KLHL1: variants seen among roughly 807,000 people sequenced by gnomAD.
KLHL1 encodes the protein kelch-like protein 1.
Under a neutral mutation model 77.7 loss-of-function variants are expected in KLHL1, and 47 were observed. The ratio of observed to expected loss-of-function variants is 0.60; its 90% CI spans 0.48 to 0.77. The LOEUF is 0.77. Among genes scored for constraint, KLHL1 ranks in the 30% least tolerant of loss-of-function variants. The pLI is 0.00. For missense variants in KLHL1, 925 were observed against 910.8 expected, an observed-to-expected ratio of 1.02 and a Z score of -0.20; for synonymous variants, 360 against 325.2, an observed-to-expected ratio of 1.11 and a Z score of -1.15.
intron 6 of KLHL1, among the ~76,000 whole-genome samples, chr13:69,813,503 C>CACACACACATAT (rs34163072): frequency 7.9e-4 from 117 of 148,894 alleles, no homozygotes; most frequent in African/African-American, 2.8e-3. Flanking sequence ...CACACACACA[C>CACACACACATAT]ATATATATAT....
chr13:69,718,992 T>C (rs967366166), intron 9 of KLHL1, among the ~76,000 whole-genome samples: 6 of 152,238 alleles, frequency 3.9e-5, no homozygotes, highest in Admixed American at 1.3e-4. Context: ...TCCAATATTT[T>C]TAAAAGCATT....
intron 5 of KLHL1, among the ~76,000 whole-genome samples, chr13:69,863,952 TTAA>T (rs569307744): frequency 1.3e-4 from 20 of 152,182 alleles, no homozygotes; most frequent in Admixed American, 2.0e-4. Context: ...TAGTTAGTTA[TTAA>T]TAATATGTTG....
chr13:70,068,026 A>G (rs1887050603), intron 1 of KLHL1, among the ~76,000 whole-genome samples: 1 of 148,764 alleles, frequency 6.7e-6, no homozygotes, highest in Admixed American at 6.7e-5. Flanking sequence ...CATGTTGTTC[A>G]CTAACGTTTT....
intron 1 of KLHL1, among the ~76,000 whole-genome samples, chr13:70,084,464 C>CT (rs1266369112): frequency 7.2e-4 from 93 of 129,038 alleles, no homozygotes; most frequent in Admixed American, 2.0e-3. Context: ...TCTTCTTCTT[C>CT]TTTTTTTTTT....
At position 69,834,182 on chromosome 13, in the gene KLHL1, C is replaced by A. The variant is rs181042929; in HGVS notation, c.1414+4794G>T. 2.6e-4 allele frequency among the ~76,000 whole-genome samples: 39 copies of A among 151,942 alleles called. No homozygotes were observed. In the East Asian group the frequency reaches 7.2e-3, roughly 28 times the overall value. On this transcript the variant is annotated intron_variant, in intron 6 of 10. Transcript: ENST00000377844. ...GGTGCACCAAAATCTCAGAAATCAC[C>A]ACTAAAGAACTTATCTATGTAAACC...
intron 5 of KLHL1, among the ~76,000 whole-genome samples, chr13:69,877,816 C>G (rs891664450): frequency 6.6e-6 from 1 of 152,090 alleles, no homozygotes; most frequent in Non-Finnish European, 1.5e-5. Context: ...CTACACTGCT[C>G]TTATCTGAAA....
chr13:70,054,171 T>A (rs367712872), intron 1 of KLHL1, among the ~76,000 whole-genome samples: 1 of 152,194 alleles, frequency 6.6e-6, no homozygotes, highest in Non-Finnish European at 1.5e-5. Context: ...TCACATAGAT[T>A]GTCTCATTTT....
At chr13:69,761,533 A>G (rs974052823) in intron 7 of KLHL1, among the ~76,000 whole-genome samples, 2 of 152,192 alleles carry the variant, frequency 1.3e-5, no homozygotes, top group Non-Finnish European at 2.9e-5. Flanking sequence ...ATTTAACAGT[A>G]TATATAAGGT....
intron 3 of KLHL1, among the ~76,000 whole-genome samples, chr13:69,956,617 AC>A (rs1451215836): frequency 1.3e-5 from 2 of 151,578 alleles, no homozygotes; most frequent in South Asian, 4.1e-4. Flanking sequence ...TAAAGACAAT[AC>A]CAGTCAATTT....
intron 6 of KLHL1, among the ~76,000 whole-genome samples, chr13:69,835,018 T>C (rs1431058728): frequency 6.6e-6 from 1 of 152,172 alleles, no homozygotes; most frequent in Non-Finnish European, 1.5e-5. Flanking sequence ...CTGAAAATAG[T>C]ATATTAAATT....
intron 1 of KLHL1, among the ~76,000 whole-genome samples, chr13:70,087,063 T>A (rs1887561596): frequency 6.6e-6 from 1 of 152,132 alleles, no homozygotes; most frequent in African/African-American, 2.4e-5. Context: ...ATTACCAGTG[T>A]TTGCGTACAG....
chr13:69,884,924 T>TTTTTC (rs138497758), intron 4 of KLHL1, among the ~76,000 whole-genome samples: 14,710 of 100,680 alleles, frequency 0.15, 2,413 homozygotes, highest in African/African-American at 0.34. Flanking sequence ...ACTACAGCAC[T>TTTTTC]TTTTCTTTTC....
At chr13:69,728,255 CA>C (rs1242472130) in intron 8 of KLHL1, among the ~76,000 whole-genome samples, 1 of 151,988 alleles carries the variant, frequency 6.6e-6, no homozygotes, top group African/African-American at 2.4e-5. Context: ...TGTTGGAAGG[CA>C]CTATGCAAGT....
intron 7 of KLHL1, among the ~76,000 whole-genome samples, chr13:69,795,378 G>T (rs1158372643): frequency 6.6e-6 from 1 of 152,154 alleles, no homozygotes; most frequent in East Asian, 1.9e-4. Flanking sequence ...TTGCTTACCT[G>T]TGAATGTCTA....
At chr13:69,782,229 C>T (rs914333229) in intron 7 of KLHL1, among the ~76,000 whole-genome samples, 8 of 152,182 alleles carry the variant, frequency 5.3e-5, no homozygotes, top group South Asian at 4.1e-4. Context: ...CAGCTCCCAG[C>T]GTGAGCGACG....
At chr13:69,755,347 G>C (rs1038400756) in intron 7 of KLHL1, among the ~76,000 whole-genome samples, 4 of 151,990 alleles carry the variant, frequency 2.6e-5, no homozygotes, top group Admixed American at 2.6e-4. Flanking sequence ...AAAGGTTTGT[G>C]GATGCCAGCA....
chr13:69,712,400 T>C (rs1469539666), intron 9 of KLHL1, among the ~76,000 whole-genome samples: 2 of 152,118 alleles, frequency 1.3e-5, no homozygotes, highest in Admixed American at 6.6e-5. Context: ...ATTTTCCACA[T>C]GAGATATCCA....
At chr13:69,999,866 C>T (rs1378043564) in intron 1 of KLHL1, among the ~76,000 whole-genome samples, 3 of 151,866 alleles carry the variant, frequency 2.0e-5, no homozygotes, top group Admixed American at 6.6e-5. Flanking sequence ...TGAAATTTAC[C>T]TTCTTTCACT....
intron 7 of KLHL1, among the ~76,000 whole-genome samples, chr13:69,788,732 T>C (rs1193953731): frequency 2.0e-5 from 3 of 152,048 alleles, no homozygotes; most frequent in Admixed American, 6.6e-5. Flanking sequence ...AGACAGTGTA[T>C]AAATAATATT....
Sources: gnomAD v4.1 joint callset for allele counts (sites outside exome capture counted in the v4.1 genomes callset) on GRCh38, gnomAD v4.1.1 for gene constraint, MANE v1.5 for transcripts, NCBI Gene and HGNC (gene_info 2026-07-23, HGNC 2026-07-21) for gene names.